The following EPHB4 variants were observed in gnomAD, a reference collection of about 807,000 sequenced individuals.
EPHB4 encodes EPH receptor B4, also known as ephrin type-B receptor 4.
Under a neutral mutation model 110.6 loss-of-function variants are expected in EPHB4, and 50 were observed. The ratio of observed to expected loss-of-function variants is 0.45; its 90% CI spans 0.36 to 0.57. The LOEUF is 0.57. Among genes scored for constraint, EPHB4 ranks in the 20% least tolerant of loss-of-function variants. The pLI is 0.00. For synonymous variants in EPHB4, 592 were observed against 578.4 expected (o/e 1.02, Z -0.34); for missense variants, 1,128 against 1,382.1 (o/e 0.82, Z 2.91).
At position 100,822,506 on chromosome 7, in the gene EPHB4, G is replaced by A; in HGVS notation, c.573C>T (p.His191=). 6.2e-7 allele frequency: 1 copy of A among 1,613,538 alleles called. No individual in the cohort carries two copies. The highest frequency in any genetic ancestry group is 8.5e-7 in the Non-Finnish European group (1 of 1,179,922). The change falls in exon 4 of 17, where the codon CAC becomes CAT. Residue 191 remains histidine (H), a synonymous_variant. Coordinates refer to ENST00000358173, the MANE Select transcript of EPHB4 (RefSeq NM_004444.5). This position sits in a 1 kb window ranked among gnomAD's most constrained non-coding sequence, Gnocchi z 4.7. ...GCTGGGCGCACTTTTTGTAGAAGAGGTGCAGGGATAGCAGGGCCATGCAGG... is the reference window on the plus strand; with the variant it reads ...GCTGGGCGCACTTTTTGTAGAAGAGATGCAGGGATAGCAGGGCCATGCAGG... ...QGACMALLSL[H]LFYKKCAQLT...
intron 14 of EPHB4, chr7:100,806,202 T>C: frequency 2.4e-6 from 1 of 416,794 alleles, no homozygotes. Flanking sequence ...TTAGGTGATC[T>C]GCCCACCTTG....
At position 100,822,575 on chromosome 7, in the gene EPHB4, C is replaced by A. The variant is rs532613401; in HGVS notation, c.504G>T (p.Pro168=). 11 of 1,612,598 alleles carry A rather than the reference C, an allele frequency of 6.8e-6. No individual in the cohort carries two copies. Among genetic ancestry groups the A allele is most frequent in the Non-Finnish European group, 9.3e-6 (11 of 1,179,554 alleles). The change falls in exon 4 of 17, where the codon CCG becomes CCT. Residue 168 remains proline, a synonymous_variant. Coordinates refer to ENST00000358173, the MANE Select transcript of EPHB4 (RefSeq NM_004444.5). The surrounding 1 kb of genome is among the most constrained non-coding windows in gnomAD (Gnocchi z 4.7). The part of the protein sequence containing the change: ...KVNVKTLRLG[P]LSKAGFYLAF... ...CCAGGTAGAAGCCAGCCTTGCTGAGCGGTCCCAGACGCAGCGTCTTGACAT... is the reference window on the plus strand; with the variant it reads ...CCAGGTAGAAGCCAGCCTTGCTGAGAGGTCCCAGACGCAGCGTCTTGACAT...
intron 1 of EPHB4, chr7:100,825,095 G>C (rs1012334448): frequency 6.6e-6 from 1 of 151,472 alleles, no homozygotes; most frequent in Non-Finnish European, 1.5e-5. Flanking sequence ...TCCCCTCGGG[G>C]GCCGGCAATG....
At chr7:100,817,534 T>C (rs1251759477) in intron 7 of EPHB4, among the ~76,000 whole-genome samples, 177 bp from the exon 8 acceptor site, 1 of 152,150 alleles carries the variant, frequency 6.6e-6, no homozygotes, top group East Asian at 1.9e-4. Context: ...ATTCCTTTTT[T>C]TTAAGACAAG....
At chr7:100,825,916 G>A (rs188247460) in intron 1 of EPHB4, among the ~76,000 whole-genome samples, 3 of 151,840 alleles carry the variant, frequency 2.0e-5, no homozygotes, top group Non-Finnish European at 4.4e-5. Context: ...CCCCTTCTCC[G>A]TTCTCTGAGC....
chr7:100,813,729 G>C lies in EPHB4; in HGVS notation c.1692-13C>G. 6.2e-7 allele frequency: 1 copy of C among 1,614,126 alleles called. No homozygotes were observed. On this transcript the variant is annotated splice_polypyrimidine_tract_variant and intron_variant, in intron 9 of 16. Transcript: ENST00000358173. ...ATTGCTCTGCTTCCTGTAGCCGATG[G>C]GAAAGGAACAAAAGGTAAACTGAGT...
rs1235297746 is a variant in EPHB4, at chr7:100,822,554, G to A, written c.525C>T (p.Tyr175=). The change falls in exon 4 of 17, where the codon TAC becomes TAT. Residue 175 remains tyrosine (Y), a synonymous_variant. Coordinates refer to ENST00000358173, the MANE Select transcript of EPHB4 (RefSeq NM_004444.5). The surrounding 1 kb of genome is among the most constrained non-coding windows in gnomAD (Gnocchi z 4.7). ...RLGPLSKAGF[Y]LAFQDQGACM... Reference sequence around the variant, plus strand: ...AGGCACCCTGGTCCTGGAAGGCCAGGTAGAAGCCAGCCTTGCTGAGCGGTC... The same window carrying A: ...AGGCACCCTGGTCCTGGAAGGCCAGATAGAAGCCAGCCTTGCTGAGCGGTC... 1 of 1,613,234 alleles carries A rather than the reference G, an allele frequency of 6.2e-7. No individual in the cohort carries two copies.
intron 5 of EPHB4, 43 bp downstream of exon 5, chr7:100,820,089 AGAGGTCTGT>A: frequency 6.3e-7 from 1 of 1,594,544 alleles, no homozygotes; most frequent in Non-Finnish European, 8.5e-7. Flanking sequence ...GGTCCACCTC[AGAGGTCTGT>A]GACCCCTCCC....
intron 16 of EPHB4, among the ~76,000 whole-genome samples, chr7:100,804,361 C>T (rs964221443): frequency 8.0e-6 from 1 of 124,990 alleles, no homozygotes; most frequent in African/African-American, 3.1e-5. Flanking sequence ...GTCATCCAGG[C>T]TGGAGTGCAG....
At chr7:100,817,654 G>C (rs1272054221) in intron 7 of EPHB4, among the ~76,000 whole-genome samples, 2 of 151,952 alleles carry the variant, frequency 1.3e-5, no homozygotes, top group African/African-American at 4.8e-5. Context: ...TCAGCCTCCT[G>C]AGTAGCTGGG....
intron 2 of EPHB4, 31 bp from the exon 3 acceptor site, chr7:100,823,962 T>G (rs763798622): frequency 1.3e-6 from 2 of 1,547,570 alleles, no homozygotes; most frequent in East Asian, 4.8e-5. Flanking sequence ...GCAAGGGGGC[T>G]GGGGAGCCGC....
intron 4 of EPHB4, 173 bp from the exon 5 acceptor site, chr7:100,820,469 A>AC: frequency 3.4e-6 from 2 of 585,788 alleles, no homozygotes; most frequent in Non-Finnish European, 5.3e-6. Context: ...CATCTCCAAA[A>AC]AAAAAAAAAA....
intron 16 of EPHB4, among the ~76,000 whole-genome samples, chr7:100,804,308 C>CTTTTTTTTTTTT (rs11338293): frequency 1.4e-5 from 1 of 71,568 alleles, no homozygotes; most frequent in Non-Finnish European, 2.6e-5. Flanking sequence ...CTTCACATTT[C>CTTTTTTTTTTTT]TTTTTTTTTT....
chr7:100,821,363 C>G (rs1028249358), intron 4 of EPHB4: 1 of 151,630 alleles, frequency 6.6e-6, no homozygotes, highest in Non-Finnish European at 1.5e-5. Context: ...GGTGTGGTGG[C>G]TCACACCTGT....
At chr7:100,805,382 G>C (rs1003114380) in intron 15 of EPHB4, 61 bp from the exon 16 acceptor site, 9 of 1,606,498 alleles carry the variant, frequency 5.6e-6, no homozygotes, top group Non-Finnish European at 6.8e-6. Flanking sequence ...GGAGGAGGTG[G>C]AACCCAGCCT....
At position 100,807,496 on chromosome 7, in the gene EPHB4, T is replaced by A. The variant is rs771758755; in HGVS notation, c.2203A>T (p.Ser735Cys). 1 of 1,597,038 alleles carries A rather than the reference T, an allele frequency of 6.3e-7. No homozygotes were observed. Among genetic ancestry groups the A allele is most frequent in the South Asian group, 1.1e-5 (1 of 90,260 alleles). The change falls in exon 13 of 17, where the codon AGC becomes TGC. Residue 735 changes from serine (S) to cysteine (C), a missense_variant. Physicochemically the swap from Ser to Cys is moderately radical, Grantham distance 112. Around this residue, in one of 3 missense-constraint regions of EPHB4, gnomAD observed 191 missense variants for 313.0 expected, o/e 0.61. Coordinates refer to ENST00000358173, the MANE Select transcript of EPHB4 (RefSeq NM_004444.5). ...ASGMRYLAEMSYVHRDLAARN... is the reference protein window; with the variant it reads ...ASGMRYLAEMCYVHRDLAARN... ...GCAGCCAGGTCTCGGTGGACGTAGC[T>A]CATCTCGGCAAGGTACCGCATGCCC...
intron 8 of EPHB4, among the ~76,000 whole-genome samples, chr7:100,815,406 C>T (rs1215376147): frequency 2.6e-5 from 4 of 152,248 alleles, no homozygotes; most frequent in East Asian, 1.9e-4. Context: ...ACATTCTGCT[C>T]GGTGAACAGT....
rs1813258257 is a variant in EPHB4 at position 100,822,421 on chromosome 7, C to A, written c.658G>T (p.Ala220Ser). 2 of 1,596,276 alleles carry A rather than the reference C, an allele frequency of 1.3e-6. No homozygotes were observed. Among genetic ancestry groups the A allele is most frequent in the Non-Finnish European group, 1.7e-6 (2 of 1,170,046 alleles). The change falls in exon 4 of 17, where the codon GCC becomes TCC. Residue 220 changes from alanine (A) to serine (S), a missense_variant. By Grantham distance (99) the Ala-to-Ser change is moderately conservative. Around this residue, in one of 3 missense-constraint regions of EPHB4, gnomAD observed 728 missense variants for 828.6 expected, o/e 0.88. Coordinates refer to ENST00000358173, the MANE Select transcript of EPHB4 (RefSeq NM_004444.5). This position sits in a 1 kb window ranked among gnomAD's most constrained non-coding sequence, Gnocchi z 4.7. Reference sequence around the variant, plus strand: ...ACGGCATCCACCACGCAGCTACCGGCCACGGGCACAACCAGCTCCCGAGGC... The same window carrying A: ...ACGGCATCCACCACGCAGCTACCGGACACGGGCACAACCAGCTCCCGAGGC... Reference protein sequence around the residue: ...TVPRELVVPVAGSCVVDAVPA... With the variant: ...TVPRELVVPVSGSCVVDAVPA...
At chr7:100,805,405 C>A in intron 15 of EPHB4, 84 bp from the exon 16 acceptor site, 1 of 1,587,950 alleles carries the variant, frequency 6.3e-7, no homozygotes, top group Non-Finnish European at 8.6e-7. Context: ...CAGAGGCGGA[C>A]AGAGGCCCTC....
Sources: gnomAD v4.1 joint callset for allele counts (sites outside exome capture counted in the v4.1 genomes callset) on GRCh38, gnomAD v4.1.1 for gene constraint, gnomAD v4.1.1 regional missense constraint, Gnocchi (gnomAD v3.1) non-coding constraint, MANE v1.5 for transcripts, NCBI Gene and HGNC (gene_info 2026-07-23, HGNC 2026-07-21) for gene names.